The following NAV3 variants were observed in gnomAD, a reference collection of about 807,000 sequenced individuals.
NAV3 encodes neuron navigator 3, also known as pore membrane and/or filament interacting like protein 1.
A neutral mutation model predicts 244.7 loss-of-function variants in NAV3; 87 were observed. The ratio of observed to expected loss-of-function variants is 0.36; its 90% confidence interval spans 0.30 to 0.42. The LOEUF (loss-of-function observed/expected upper bound fraction) is 0.42, where lower values mean the gene tolerates loss of function less well. Ranked by LOEUF, NAV3 falls within the 20% of genes least tolerant of loss-of-function variation. The pLI, the probability that NAV3 is intolerant of heterozygous loss-of-function variation, is 1.00. For missense variants in NAV3, 2,663 were observed against 2,893.3 expected (o/e 0.92, Z 1.83); for synonymous variants, 1,126 against 1,042.2 (o/e 1.08, Z -1.55).
chr12:77,749,146 A>T (rs926674382), intron 2 of NAV3, among the ~76,000 whole-genome samples: 3 of 152,198 alleles, frequency 2.0e-5, no homozygotes, highest in Non-Finnish European at 4.4e-5. Context: ...TTTACCCAGA[A>T]CTACTGGAAA....
At chr12:77,828,390 T>C (rs1873237506), upstream of NAV3, among the ~76,000 whole-genome samples, 1 of 152,196 alleles carries the variant, frequency 6.6e-6, no homozygotes, top group Non-Finnish European at 1.5e-5. Context: ...GTTTTAGATA[T>C]TCTGTTATAG....
At chr12:77,645,276 T>A (rs1401784062) in intron 2 of NAV3, among the ~76,000 whole-genome samples, 3 of 151,982 alleles carry the variant, frequency 2.0e-5, no homozygotes, top group Admixed American at 2.0e-4. Flanking sequence ...ATGATTTTTT[T>A]TTTCTTCTGA....
At chr12:78,138,489 G>A (rs773355268) in intron 19 of NAV3, among the ~76,000 whole-genome samples, 3 of 152,096 alleles carry the variant, frequency 2.0e-5, no homozygotes, top group Non-Finnish European at 4.4e-5. Context: ...TAAATCAGTA[G>A]AGAATAGTTG....
chr12:77,997,016 G>A (rs1001675929), intron 6 of NAV3, among the ~76,000 whole-genome samples: 1 of 152,022 alleles, frequency 6.6e-6, no homozygotes, highest in Admixed American at 6.5e-5. Flanking sequence ...GCTGAGGTGG[G>A]ATCACTTGAG....
At chr12:78,204,565 AT>A (rs975062890) in intron 38 of NAV3, among the ~76,000 whole-genome samples, 22 of 152,106 alleles carry the variant, frequency 1.4e-4, no homozygotes, top group African/African-American at 5.3e-4. Flanking sequence ...TATCAAGCAT[AT>A]TTTTTAAAAT....
At position 77,816,378 on chromosome 12, in the gene NAV3, T is replaced by C. The variant is rs550884104; in HGVS notation, c.73-123941T>C. 2.6e-5 allele frequency among the ~76,000 whole-genome samples: 4 copies of C among 152,356 alleles called. No individual in the cohort carries two copies. The East Asian group carries it at 7.7e-4, about 29-fold the overall frequency. On this transcript the variant is annotated intron_variant, in intron 2 of 8. Transcript: ENST00000550042. ...TAAAGTGAAAATGGGAAGTCACTGC[T>C]TTCAGTTTGAATAGGATTGGTATTG...
intron 3 of NAV3, among the ~76,000 whole-genome samples, chr12:77,951,917 G>A (rs182349217): frequency 1.2e-4 from 18 of 152,158 alleles, no homozygotes; most frequent in South Asian, 2.1e-4. Flanking sequence ...AGGGTCTGTC[G>A]TGGGGCAGGG....
intron 2 of NAV3, among the ~76,000 whole-genome samples, chr12:77,684,843 G>T (rs1874641354): frequency 6.6e-6 from 1 of 151,924 alleles, no homozygotes; most frequent in Non-Finnish European, 1.5e-5. Flanking sequence ...ATGGCCTGAG[G>T]TATAAATCAT....
At chr12:77,765,934 A>C (rs1347322243) in intron 2 of NAV3, among the ~76,000 whole-genome samples, 1 of 152,186 alleles carries the variant, frequency 6.6e-6, no homozygotes, top group Non-Finnish European at 1.5e-5. Context: ...CACGAGGGAC[A>C]TGAAACCAAG....
At chr12:77,876,711 A>G (rs1355813709) in intron 1 of NAV3, among the ~76,000 whole-genome samples, 1 of 152,076 alleles carries the variant, frequency 6.6e-6, no homozygotes, top group Non-Finnish European at 1.5e-5. Flanking sequence ...GATGATGTAC[A>G]AGCCACTTTT....
intron 2 of NAV3, among the ~76,000 whole-genome samples, chr12:77,733,173 A>G (rs551258944): frequency 6.6e-6 from 1 of 152,044 alleles, no homozygotes; most frequent in Non-Finnish European, 1.5e-5. Context: ...TGGTTGAGGC[A>G]AAGTGTGCTA....
At chr12:77,652,450 C>G (rs1872869265) in intron 2 of NAV3, among the ~76,000 whole-genome samples, 1 of 152,174 alleles carries the variant, frequency 6.6e-6, no homozygotes, top group African/African-American at 2.4e-5. Context: ...TAATTCTACT[C>G]CTTCACTTTT....
rs114074258 is a variant in NAV3 at position 78,080,363 on chromosome 12, A to G, written c.2636+21248A>G. On this transcript the variant is annotated intron_variant, in intron 12 of 39. Transcript: ENST00000397909. ...ACCCTTTTGTAATATTAAGTAGTCT[A>G]TGTGATACACAGAGTGAGCCTTAAA... is the stretch of plus-strand genomic sequence containing the variant. Among the ~76,000 whole-genome samples the G allele has an allele frequency of 3.1e-3, 473 of 152,346 alleles. 4 individuals carry two copies. The highest frequency in any genetic ancestry group is 0.011 in the African/African-American group (457 of 41,582).
chr12:77,671,521 A>G (rs1183820174), intron 2 of NAV3, among the ~76,000 whole-genome samples: 2 of 152,194 alleles, frequency 1.3e-5, no homozygotes, highest in Non-Finnish European at 2.9e-5. Flanking sequence ...CTATACTATA[A>G]TGCCGTGGTC....
At chr12:77,652,321 A>C (rs1242766769) in intron 2 of NAV3, among the ~76,000 whole-genome samples, 2 of 152,186 alleles carry the variant, frequency 1.3e-5, no homozygotes, top group African/African-American at 4.8e-5. Context: ...TTCATTCTAA[A>C]ACACTATGCC....
At chr12:77,771,262 C>T (rs1034484506) in intron 2 of NAV3, among the ~76,000 whole-genome samples, 2 of 152,162 alleles carry the variant, frequency 1.3e-5, no homozygotes, top group African/African-American at 4.8e-5. Context: ...AGTCAGGAAA[C>T]AACAGGTGCT....
At chr12:77,890,140 G>A (rs536978572) in intron 1 of NAV3, among the ~76,000 whole-genome samples, 3 of 152,212 alleles carry the variant, frequency 2.0e-5, no homozygotes, top group Middle Eastern at 3.4e-3. Context: ...AATTCAAATT[G>A]AATCAAGTCT....
chr12:77,673,686 A>T (rs1429280383), intron 2 of NAV3, among the ~76,000 whole-genome samples: 1 of 152,116 alleles, frequency 6.6e-6, no homozygotes, highest in Non-Finnish European at 1.5e-5. Flanking sequence ...TTACCCATTT[A>T]AAAAAAGAAA....
chr12:77,686,990 C>T (rs996276988), intron 2 of NAV3, among the ~76,000 whole-genome samples: 1 of 150,236 alleles, frequency 6.7e-6, no homozygotes, highest in Non-Finnish European at 1.5e-5. Flanking sequence ...TTTTCCATAA[C>T]AATCTTTACA....
Sources: gnomAD v4.1 joint callset for allele counts (sites outside exome capture counted in the v4.1 genomes callset) on GRCh38, gnomAD v4.1.1 for gene constraint, MANE v1.5 for transcripts, NCBI Gene and HGNC (gene_info 2026-07-23, HGNC 2026-07-21) for gene names.